ZNF510: variants seen among roughly 807,000 people sequenced by gnomAD.
ZNF510 encodes zinc finger protein 510.
Under a neutral mutation model 18.1 loss-of-function variants are expected in ZNF510, and 15 were observed. That is an observed-to-expected ratio of 0.83 (90% confidence interval 0.55 to 1.28). The LOEUF is 1.28. ZNF510 is among the 50% of genes most tolerant of loss of function. The pLI is 0.00. For synonymous variants in ZNF510, 261 were observed against 266.4 expected, an observed-to-expected ratio of 0.98 and a Z score of 0.20; for missense variants, 724 against 791.8, an observed-to-expected ratio of 0.91 and a Z score of 1.03.
At position 96,776,214 on chromosome 9, in the gene ZNF510, G is replaced by C; in HGVS notation, c.-145C>G. The C allele has an allele frequency of 7.3e-7, 1 of 1,363,866 alleles. No homozygotes were observed. Among genetic ancestry groups the C allele is most frequent in the Non-Finnish European group, 9.5e-7 (1 of 1,049,364 alleles). 84.5% of individuals were successfully genotyped at this position (1,363,866 alleles called of 1,614,324 possible). On this transcript the variant is annotated 5_prime_UTR_variant, in exon 2 of 6. Coordinates refer to ENST00000223428, the MANE Select transcript of ZNF510 (RefSeq NM_014930.3). ...TGTTCTGTCAGAGAGCAGTTCTTCG[G>C]TGGGACTCCTGTTCCTGGGGCTCCC...
chr9:96,769,883 AG>A (rs1849550993), intron 3 of ZNF510, among the ~76,000 whole-genome samples: 1 of 152,206 alleles, frequency 6.6e-6, no homozygotes, highest in Non-Finnish European at 1.5e-5. Flanking sequence ...CACACCCACT[AG>A]GATGTCCATA....
chr9:96,758,859 T>C lies in ZNF510; in HGVS notation c.1971A>G (p.Glu657=). The C allele has an allele frequency of 6.2e-7, 1 of 1,614,048 alleles. No homozygotes were observed. The highest frequency in any genetic ancestry group is 8.5e-7 in the Non-Finnish European group (1 of 1,179,954). Residue 657 remains glutamate (E), a synonymous_variant, in exon 6 of 6, where the codon GAA becomes GAG. Transcript: ENST00000223428. ...TACATAATTTCCCATATTCATTGCATTCATAAGATTTCTCCCCACTGTGAG... is the reference window on the plus strand; with the variant it reads ...TACATAATTTCCCATATTCATTGCACTCATAAGATTTCTCCCCACTGTGAG... The part of the protein sequence containing the change: ...QRTHSGEKSY[E]CNEYGKLCKK...
intron 2 of ZNF510, among the ~76,000 whole-genome samples, chr9:96,775,188 T>C (rs559540152): frequency 6.6e-6 from 1 of 152,122 alleles, no homozygotes; most frequent in African/African-American, 2.4e-5. Context: ...GCCTCCTGAG[T>C]TGCTGGGACC....
rs145605983 is a variant in ZNF510 at position 96,762,015 on chromosome 9, G to A, written c.352+1103C>T. On this transcript the variant is annotated intron_variant, in intron 5 of 5. Transcript: ENST00000223428. ...TGATTAGAAAACATCCTGGTGGGAT[G>A]CAAAGGCATAAAAATGATACAATGG... is the stretch of plus-strand genomic sequence containing the variant. Among the ~76,000 whole-genome samples the A allele has an allele frequency of 5.0e-3, 766 of 152,094 alleles. 18 individuals are homozygous for A. The highest frequency in any genetic ancestry group is 0.041 in the Admixed American group (630 of 15,272).
At position 96,758,437 on chromosome 9, in the gene ZNF510, G is replaced by A. The variant is rs1849246165; in HGVS notation, c.*341C>T. On this transcript the variant is annotated 3_prime_UTR_variant, in exon 6 of 6. Transcript: ENST00000223428. Reference sequence around the variant, plus strand: ...GGAGATTGGGAAATCTGGACTATGTGCCTGGAGTAAAATGAAATTGGTGCT... The same window carrying A: ...GGAGATTGGGAAATCTGGACTATGTACCTGGAGTAAAATGAAATTGGTGCT... 5.0e-6 allele frequency: 1 copy of A among 199,770 alleles called. No homozygotes were observed. The highest frequency in any genetic ancestry group is 2.3e-5 in the African/African-American group (1 of 43,258). 12.4% of individuals were successfully genotyped at this position (199,770 alleles called of 1,614,324 possible). A position where few individuals can be genotyped will look rare whatever the true frequency, so the allele number is the denominator to read the frequency against.
chr9:96,776,074 A>G lies in ZNF510; in HGVS notation c.-5T>C. 6.3e-7 allele frequency: 1 copy of G among 1,599,736 alleles called. No individual in the cohort carries two copies. Among genetic ancestry groups the G allele is most frequent in the Non-Finnish European group, 8.5e-7 (1 of 1,172,218 alleles). ...GGCTTCTGGATGTGGCGACATCACCAAGTCTGGTGCTCTCTGGGCAAGGGG... is the reference window on the plus strand; with the variant it reads ...GGCTTCTGGATGTGGCGACATCACCGAGTCTGGTGCTCTCTGGGCAAGGGG... On this transcript the variant is annotated 5_prime_UTR_variant, in exon 2 of 6. Transcript: ENST00000223428.
intron 2 of ZNF510, among the ~76,000 whole-genome samples, chr9:96,775,185 G>C (rs1849668488): frequency 1.3e-5 from 2 of 151,692 alleles, no homozygotes; most frequent in Non-Finnish European, 2.9e-5. Context: ...TCAGCCTCCT[G>C]AGTTGCTGGG....
At position 96,755,300 on chromosome 9, in the gene ZNF510, T is replaced by C. The variant is rs1276495833; in HGVS notation, c.*3478A>G. Among the ~76,000 whole-genome samples, 1 of 134,584 alleles carries C rather than the reference T, an allele frequency of 7.4e-6. No individual in the cohort carries two copies. The highest frequency in any genetic ancestry group is 1.9e-4 in the East Asian group (1 of 5,202). The allele number at this position is 134,584 out of a possible 152,430, so 88.3% of individuals were successfully genotyped here. The stretch of plus-strand genomic sequence containing the variant: ...AAATATTTTCTTTCAGAAAGTGTCT[T>C]GAGTAAAAAAAGTTTAAAGACAGAC... On this transcript the variant is annotated 3_prime_UTR_variant, in exon 6 of 6. Transcript: ENST00000223428.
At chr9:96,775,880 A>G (rs1037905688) in intron 2 of ZNF510, 120 bp downstream of exon 2, 2 of 1,298,858 alleles carry the variant, frequency 1.5e-6, no homozygotes, top group African/African-American at 3.0e-5. Flanking sequence ...AGGATTAGAG[A>G]CAATTTCCTC....
intron 1 of ZNF510, among the ~76,000 whole-genome samples, chr9:96,776,753 C>G (rs1037190035): frequency 1.8e-4 from 28 of 152,308 alleles, no homozygotes; most frequent in African/African-American, 6.5e-4. Flanking sequence ...CCACTGCCCT[C>G]CAGCCTGGGC....
intron 5 of ZNF510, among the ~76,000 whole-genome samples, chr9:96,761,992 A>C (rs1391322754): frequency 2.6e-5 from 4 of 152,122 alleles, no homozygotes; most frequent in Admixed American, 2.6e-4. Context: ...GTTTACCTTG[A>C]TTAGAAAACA....
At chr9:96,770,320 C>T (rs974904289) in intron 3 of ZNF510, among the ~76,000 whole-genome samples, 32 of 151,700 alleles carry the variant, frequency 2.1e-4, no homozygotes, top group Non-Finnish European at 3.1e-4. Flanking sequence ...CCAGGTGTGG[C>T]GGCTCACACC....
intron 2 of ZNF510, among the ~76,000 whole-genome samples, chr9:96,775,489 A>C (rs1849676934): frequency 6.6e-6 from 1 of 152,222 alleles, no homozygotes; most frequent in Admixed American, 6.5e-5. Flanking sequence ...ACACCAATAG[A>C]AAACACAAAA....
intron 2 of ZNF510, among the ~76,000 whole-genome samples, chr9:96,775,171 C>T (rs1324540913): frequency 2.6e-5 from 4 of 151,894 alleles, no homozygotes; most frequent in Non-Finnish European, 4.4e-5. Flanking sequence ...GCAATTCTCC[C>T]GTCTCAGCCT....
chr9:96,769,277 A>C (rs915024852), intron 3 of ZNF510, among the ~76,000 whole-genome samples: 4 of 152,060 alleles, frequency 2.6e-5, no homozygotes, highest in African/African-American at 9.7e-5. Context: ...TCTACTGAAA[A>C]AATATAAAAA....
chr9:96,772,062 T>G (rs1849595187), intron 3 of ZNF510, among the ~76,000 whole-genome samples: 1 of 152,154 alleles, frequency 6.6e-6, no homozygotes. Flanking sequence ...AGTGAAGTAC[T>G]AGCAAAAAGA....
chr9:96,765,182 T>C (rs918127994), intron 3 of ZNF510, among the ~76,000 whole-genome samples: 1 of 152,158 alleles, frequency 6.6e-6, no homozygotes, highest in African/African-American at 2.4e-5. Flanking sequence ...GTCCTTTCAA[T>C]AGAAGATACA....
At chr9:96,772,473 T>G (rs1384512428) in intron 3 of ZNF510, among the ~76,000 whole-genome samples, 1 of 152,030 alleles carries the variant, frequency 6.6e-6, no homozygotes, top group Non-Finnish European at 1.5e-5. Flanking sequence ...TCCAAGAACA[T>G]CAGTAATGCA....
At chr9:96,774,693 A>C in intron 3 of ZNF510, 95 bp downstream of exon 3, 1 of 1,149,658 alleles carries the variant, frequency 8.7e-7, no homozygotes, top group Non-Finnish European at 1.3e-6. Context: ...TATTCCTTGA[A>C]TGATTTTGAT....
Sources: allele counts gnomAD v4.1 joint callset (sites outside exome capture counted in the v4.1 genomes callset), GRCh38; gene constraint gnomAD v4.1.1; transcripts MANE v1.5; gene names NCBI Gene and HGNC (gene_info 2026-07-23, HGNC 2026-07-21).